The following CPT1B variants were observed in gnomAD, a reference collection of about 807,000 sequenced individuals.
The protein encoded by CPT1B is carnitine O-palmitoyltransferase 1, muscle isoform.
Under a neutral mutation model 92.7 loss-of-function variants are expected in CPT1B, and 57 were observed. That is an observed-to-expected ratio of 0.62 (90% confidence interval 0.50 to 0.77). The LOEUF is 0.77. Ranked by LOEUF, CPT1B falls within the 30% of genes least tolerant of loss-of-function variation. CPT1B has a pLI of 0.00. For missense variants in CPT1B, 983 were observed against 1,017.4 expected (o/e 0.97, Z 0.46); for synonymous variants, 398 against 383.5 (o/e 1.04, Z -0.44).
chr22:50,572,818 A>G, intron 11 of CPT1B, 57 bp downstream of exon 11: 3 of 1,550,724 alleles, frequency 1.9e-6, no homozygotes, highest in Non-Finnish European at 2.7e-6. Flanking sequence ...TAATCCTCTA[A>G]CCATAACCCT....
At chr22:50,577,752 C>G in intron 2 of CPT1B, 23 bp downstream of exon 2, 1 of 1,607,892 alleles carries the variant, frequency 6.2e-7, no homozygotes, top group Non-Finnish European at 8.5e-7. Flanking sequence ...TGCCTACGCT[C>G]TGGGAGAAGC....
In CPT1B at chr22:50,576,945, A is replaced by C; in HGVS notation, c.371T>G (p.Phe124Cys). 1 of 1,613,984 alleles carries C rather than the reference A, an allele frequency of 6.2e-7. No individual in the cohort carries two copies. Among genetic ancestry groups the C allele is most frequent in the Non-Finnish European group, 8.5e-7 (1 of 1,179,964 alleles). The change falls in exon 4 of 20, where the codon TTC (phenylalanine) becomes TGC (cysteine). Residue 124 changes from phenylalanine (F) to cysteine (C), a missense_variant. Physicochemically the swap from Phe to Cys is radical, Grantham distance 205. Coordinates refer to ENST00000312108, the MANE Select transcript of CPT1B (RefSeq NM_152246.3). ...GAGAAGCAGCTTCAGGGTTTGGCGG[A>C]AGAAGAAGATGCCCGTCACCCAGAC... ...TGVWVTGIFF[F>C]RQTLKLLLCY...
chr22:50,570,412 A>G lies in CPT1B; in HGVS notation c.2029-6T>C. On this transcript the variant is annotated splice_polypyrimidine_tract_variant and splice_region_variant and intron_variant, in intron 16 of 19. Transcript: ENST00000312108. ...CGCCAGGGTTCCGAGAGCACCTGCA[A>G]TGGAGGCCACAGCTGGTCAGAGGCC... 1 of 1,585,356 alleles carries G rather than the reference A, an allele frequency of 6.3e-7. No homozygotes were observed. Among genetic ancestry groups the G allele is most frequent in the Non-Finnish European group, 8.6e-7 (1 of 1,164,288 alleles).
chr22:50,574,735 C>T (rs942063429), intron 7 of CPT1B, 135 bp from the exon 8 acceptor site: 8 of 670,686 alleles, frequency 1.2e-5, no homozygotes, highest in Admixed American at 2.4e-5. Flanking sequence ...CACATGCTGC[C>T]GGGGTGAACC....
In CPT1B at chr22:50,569,265, A is replaced by C. The variant is rs877294; in HGVS notation, c.*2+71T>G. 1.6e-3 allele frequency: 2,452 copies of C among 1,495,684 alleles called. 31 individuals are homozygous for C. In the African/African-American group the frequency reaches 0.03, roughly 18 times the overall value. 92.7% of individuals were successfully genotyped at this position (1,495,684 alleles called of 1,614,324 possible). ...GGGCACCTGTGCACGGCCACCCCTC[A>C]TGCCTGTGAGCTGCCACAGGTCCCT... is the stretch of plus-strand genomic sequence containing the variant. On this transcript the variant is annotated intron_variant, in intron 19 of 19. Transcript: ENST00000312108.
At position 50,572,231 on chromosome 22, in the gene CPT1B, T is replaced by A; in HGVS notation, c.1430A>T (p.Asp477Val). ...CCAGAGGTGCCCAATGATGGGAGCA[T>A]CTGCCCACGCATGCTCTGCATTGAG... is the stretch of plus-strand genomic sequence containing the variant. ...LGLNAEHAWA[D>V]APIIGHLWEF... is the part of the protein sequence containing the mutation. The change falls in exon 12 of 20, where the codon GAT (aspartate) becomes GTT (valine). Residue 477 changes from aspartate (D) to valine (V), a missense_variant. Transcript: ENST00000312108. 6.2e-7 allele frequency: 1 copy of A among 1,613,950 alleles called. No homozygotes were observed. The highest frequency in any genetic ancestry group is 8.5e-7 in the Non-Finnish European group (1 of 1,179,874).
rs190052870 is a variant in CPT1B at position 50,570,942 on chromosome 22, G to C, written c.1977C>G (p.Cys659Trp). 9 of 1,613,952 alleles carry C rather than the reference G, an allele frequency of 5.6e-6. No homozygotes were observed. In the East Asian group the frequency reaches 1.8e-4, roughly 32 times the overall value. Residue 659 changes from cysteine to tryptophan, a missense_variant, in exon 16 of 20, where the codon TGC (cysteine) becomes TGG (tryptophan). Physicochemically the swap from Cys to Trp is radical, Grantham distance 215. Transcript: ENST00000312108. The stretch of plus-strand genomic sequence containing the variant: ...CTAGGTACTTGGAGACCAAGTAAAG[G>C]CAGAAGAGGTGCCTGTCGATCCCTG... ...TGAGIDRHLF[C>W]LYLVSKYLGV...
At chr22:50,570,585 CCTCCCTCTGCTCTGCCT>C (rs974399114) in intron 16 of CPT1B, among the ~76,000 whole-genome samples, 179 bp from the exon 17 acceptor site, 1 of 152,186 alleles carries the variant, frequency 6.6e-6, no homozygotes, top group Non-Finnish European at 1.5e-5. Context: ...GCTGCCCAGC[CCTCCCTCTGCTCTGCCT>C]CTCCCCCACA....
chr22:50,571,471 G>T lies in CPT1B; in HGVS notation c.1644C>A (p.Cys548Ter), dbSNP rs1190453295. Residue 548 changes from cysteine (C) to a stop codon, truncating the protein, a stop_gained, in exon 14 of 20, where the codon TGC (cysteine) becomes TGA (stop). Coordinates refer to ENST00000312108, the MANE Select transcript of CPT1B (RefSeq NM_152246.3). LOFTEE classifies it high-confidence loss of function. ...CTTTGCCAAAGGGCAGGAACTGGAA[G>T]CAGTACAACTCCACGTCGTCTGCCA... ...KALADDVELY[C>*]FQFLPFGKGL... 1.9e-6 allele frequency: 3 copies of T among 1,613,688 alleles called. No homozygotes were observed. In the African/African-American group the frequency reaches 4.0e-5, roughly 22 times the overall value.
rs2070152993 is a variant in CPT1B, at chr22:50,571,217, G to A, written c.1816C>T (p.Arg606Cys). ...GCTGTGGACTCGCTGGTACAGGAACGCACAGTCTCAGTCCGTCCCTCCCGG... is the reference window on the plus strand; with the variant it reads ...GCTGTGGACTCGCTGGTACAGGAACACACAGTCTCAGTCCGTCCCTCCCGG... ...MFREGRTETV[R>C]SCTSESTAFV... is the part of the protein sequence containing the mutation. The change falls in exon 15 of 20, where the codon CGT becomes TGT. Residue 606 changes from arginine to cysteine, a missense_variant. Physicochemically the swap from Arg to Cys is radical, Grantham distance 180 (BLOSUM62 -3). Coordinates refer to ENST00000312108, the MANE Select transcript of CPT1B (RefSeq NM_152246.3). 1.2e-6 allele frequency: 2 copies of A among 1,613,968 alleles called. No individual in the cohort carries two copies. The highest frequency in any genetic ancestry group is 1.7e-5 in the Admixed American group (1 of 60,006).
chr22:50,575,962 T>G lies in CPT1B; in HGVS notation c.777+73A>C. The G allele has an allele frequency of 4.2e-6, 6 of 1,435,496 alleles. No homozygotes were observed. In the South Asian group the frequency reaches 6.9e-5, roughly 17 times the overall value. The allele number at this position is 1,435,496 out of a possible 1,614,324, so 88.9% of individuals were successfully genotyped here. On this transcript the variant is annotated intron_variant, in intron 7 of 19. Coordinates refer to ENST00000312108, the MANE Select transcript of CPT1B (RefSeq NM_152246.3). The stretch of plus-strand genomic sequence containing the variant: ...AAGCTGCTACTAGAGCTCTGGGCTG[T>G]CCTCCAGATCCCTTGCCTTGGAGCT...
At position 50,577,896 on chromosome 22, in the gene CPT1B, G is replaced by A. The variant is rs1402369580; in HGVS notation, c.20C>T (p.Ala7Val). Residue 7 changes from alanine (A) to valine (V), a missense_variant, in exon 2 of 20, where the codon GCC becomes GTC. Coordinates refer to ENST00000312108, the MANE Select transcript of CPT1B (RefSeq NM_152246.3). ...GGTCACCGTGAACTGGAAGGCCACGGCCTGGTGAGCTTCCGCCATCCTGGG... is the reference window on the plus strand; with the variant it reads ...GGTCACCGTGAACTGGAAGGCCACGACCTGGTGAGCTTCCGCCATCCTGGG... MAEAHQAVAFQFTVTPD... is the reference protein window; with the variant it reads MAEAHQVVAFQFTVTPD... 1.2e-6 allele frequency: 2 copies of A among 1,611,814 alleles called. No homozygotes were observed. Among genetic ancestry groups the A allele is most frequent in the Admixed American group, 3.3e-5 (2 of 59,994 alleles).
At position 50,573,870 on chromosome 22, in the gene CPT1B, A is replaced by G. The variant is rs557973591; in HGVS notation, c.971-155T>C. 1.4e-6 allele frequency: 1 copy of G among 737,424 alleles called. No homozygotes were observed. Among genetic ancestry groups the G allele is most frequent in the East Asian group, 2.7e-5 (1 of 37,276 alleles). 45.7% of individuals were successfully genotyped at this position (737,424 alleles called of 1,614,324 possible). A position where few individuals can be genotyped will look rare whatever the true frequency, so the allele number is the denominator to read the frequency against. ...CCTGGATGGGATCCGTGTGTCCTAAACCAGGCCCTGTGCTGGGTGCTTCCA... is the reference window on the plus strand; with the variant it reads ...CCTGGATGGGATCCGTGTGTCCTAAGCCAGGCCCTGTGCTGGGTGCTTCCA... On this transcript the variant is annotated intron_variant, in intron 9 of 19. Transcript: ENST00000312108. This position sits in a 1 kb window ranked among gnomAD's most constrained non-coding sequence, Gnocchi z 5.0.
chr22:50,570,845 G>T, intron 16 of CPT1B, 46 bp downstream of exon 16: 1 of 1,597,054 alleles, frequency 6.3e-7, no homozygotes, highest in Non-Finnish European at 8.6e-7. Context: ...AGCCCTGCGT[G>T]TAGGAGGGCA....
chr22:50,576,678 A>G (rs2070454292), intron 4 of CPT1B, 41 bp from the exon 5 acceptor site: 1 of 1,597,380 alleles, frequency 6.3e-7, no homozygotes, highest in African/African-American at 1.3e-5. Context: ...GAGCCAGTGG[A>G]AAAAATGGAA....
At position 50,577,005 on chromosome 22, in the gene CPT1B, C is replaced by G. The variant is rs571187466; in HGVS notation, c.311G>C (p.Arg104Pro). Reference protein sequence around the residue: ...GCGPYQTPQTRALLSMAIFST... With the variant: ...GCGPYQTPQTPALLSMAIFST... ...GAAGATGGCCATGCTGAGAAGTGCCCGGGTCTGCGGGGTCTGGTAGGGGCC... is the reference window on the plus strand; with the variant it reads ...GAAGATGGCCATGCTGAGAAGTGCCGGGGTCTGCGGGGTCTGGTAGGGGCC... The change falls in exon 4 of 20, where the codon CGG (arginine) becomes CCG (proline). Residue 104 changes from arginine to proline, a missense_variant. Coordinates refer to ENST00000312108, the MANE Select transcript of CPT1B (RefSeq NM_152246.3). 3.7e-6 allele frequency: 6 copies of G among 1,613,872 alleles called. No individual in the cohort carries two copies. Among genetic ancestry groups the G allele is most frequent in the Non-Finnish European group, 4.2e-6 (5 of 1,180,028 alleles).
chr22:50,571,366 G>A lies in CPT1B; in HGVS notation c.1740+9C>T, dbSNP rs746825765. 2.5e-6 allele frequency: 4 copies of A among 1,613,734 alleles called. No individual in the cohort carries two copies. In the African/African-American group the frequency reaches 5.3e-5, roughly 22 times the overall value. On this transcript the variant is annotated intron_variant, in intron 14 of 19. Transcript: ENST00000312108. The stretch of plus-strand genomic sequence containing the variant: ...CTGCCCTCTCAGCAGCGGGAGGCGG[G>A]GCTCCTACCCGGAAGTGAGCCAGCT...
In CPT1B at chr22:50,577,862, C is replaced by G; in HGVS notation, c.54G>C (p.Gly18=). 6.2e-7 allele frequency: 1 copy of G among 1,613,648 alleles called. No homozygotes were observed. The highest frequency in any genetic ancestry group is 1.1e-5 in the South Asian group (1 of 91,090). Residue 18 remains glycine (G), a synonymous_variant, in exon 2 of 20, where the codon GGG becomes GGC. Transcript: ENST00000312108. The part of the protein sequence containing the change: ...VAFQFTVTPD[G]VDFRLSREAL... ...CCTCCCGACTGAGCCGGAAGTCGAC[C>G]CCGTCTGGGGTCACCGTGAACTGGA... is the stretch of plus-strand genomic sequence containing the variant.
chr22:50,572,137 T>A lies in CPT1B; in HGVS notation c.1459-15A>T. The A allele has an allele frequency of 6.2e-7, 1 of 1,613,604 alleles. No individual in the cohort carries two copies. The highest frequency in any genetic ancestry group is 8.5e-7 in the Non-Finnish European group (1 of 1,179,556). ...CCCAGGACAAACTGCAGGGAGAGGATGAGACTGAGAGGCTGGCCTCATCCC... is the reference window on the plus strand; with the variant it reads ...CCCAGGACAAACTGCAGGGAGAGGAAGAGACTGAGAGGCTGGCCTCATCCC... On this transcript the variant is annotated splice_polypyrimidine_tract_variant and intron_variant, in intron 12 of 19. Transcript: ENST00000312108.
Sources: gnomAD v4.1 joint callset for allele counts (sites outside exome capture counted in the v4.1 genomes callset) on GRCh38, gnomAD v4.1.1 for gene constraint, Gnocchi (gnomAD v3.1) non-coding constraint, MANE v1.5 for transcripts, NCBI Gene and HGNC (gene_info 2026-07-23, HGNC 2026-07-21) for gene names.